TTC34: variants seen among roughly 807,000 people sequenced by gnomAD.
TTC34 encodes the protein tetratricopeptide repeat protein 34.
Under a neutral mutation model 40.7 loss-of-function variants are expected in TTC34, and 44 were observed. That is an observed-to-expected ratio of 1.08 (90% CI 0.85 to 1.39). The LOEUF is 1.39. TTC34 is among the 40% of genes most tolerant of loss of function. The probability of loss-of-function intolerance (pLI) is 0.00; values close to 1 mark genes in which losing one functional copy is unlikely to be tolerated. For missense variants in TTC34, 884 were observed against 838.0 expected (o/e 1.05, Z -0.68); for synonymous variants, 422 against 398.6 (o/e 1.06, Z -0.70).
intron 6 of TTC34, among the ~76,000 whole-genome samples, chr1:2,674,768 C>A (rs1276991079): frequency 2.9e-5 from 1 of 33,980 alleles, no homozygotes; most frequent in Non-Finnish European, 7.1e-5. Flanking sequence ...CACTCCCAGG[C>A]GAGCATCCGA....
intron 6 of TTC34, among the ~76,000 whole-genome samples, chr1:2,683,993 AC>A (rs1640204111): frequency 1.4e-5 from 2 of 142,026 alleles, no homozygotes; most frequent in South Asian, 4.4e-4. Context: ...AGCATCCTGC[AC>A]CCCCAGGTGA....
chr1:2,638,071 G>A lies in TTC34; in HGVS notation c.*3297C>T, dbSNP rs1414964761. 2.0e-5 allele frequency: 3 copies of A among 152,060 alleles called. 1 individual carries two copies. Among genetic ancestry groups the A allele is most frequent in the Non-Finnish European group, 4.4e-5 (3 of 68,024 alleles). 9.4% of individuals were successfully genotyped at this position (152,060 alleles called of 1,614,324 possible). A position where few individuals can be genotyped will look rare whatever the true frequency, so the allele number is the denominator to read the frequency against. On this transcript the variant is annotated 3_prime_UTR_variant, in exon 9 of 9. Coordinates refer to ENST00000401095, the Ensembl canonical transcript of TTC34. ...TTTATTTATTTTTTTTGTTCTGCTT[G>A]AAAATGCTGTGATAAGCTTACCTGG...
At position 2,692,336 on chromosome 1, in the gene TTC34, G is replaced by A. The variant is rs71503030; in HGVS notation, c.2227-46773C>T. 2.2e-4 allele frequency among the ~76,000 whole-genome samples: 9 copies of A among 40,008 alleles called. 4 individuals carry two copies. Among genetic ancestry groups the A allele is most frequent in the South Asian group, 1.7e-3 (2 of 1,166 alleles). 26.2% of individuals were successfully genotyped at this position (40,008 alleles called of 152,430 possible). A position where few individuals can be genotyped will look rare whatever the true frequency, so the allele number is the denominator to read the frequency against. On this transcript the variant is annotated intron_variant, in intron 6 of 8. Transcript: ENST00000401095. ...TGAGCATCTGACAGCCTGGAGCAGC[G>A]CCCACACACCGAGGTGAGCATCTGA... is the stretch of plus-strand genomic sequence containing the variant.
chr1:2,699,933 A>C (rs1211108872), intron 6 of TTC34, among the ~76,000 whole-genome samples: 12 of 43,524 alleles, frequency 2.8e-4, no homozygotes, highest in South Asian at 9.6e-4. Context: ...GCTCCCACAC[A>C]CCCAGGTAAG....
chr1:2,684,355 C>A (rs1435305545), intron 6 of TTC34, among the ~76,000 whole-genome samples: 3 of 146,216 alleles, frequency 2.1e-5, no homozygotes, highest in South Asian at 2.1e-4. Context: ...AGCACCCACA[C>A]CCACAGGTGA....
chr1:2,773,022 A>G (rs1642522365), intron 6 of TTC34, among the ~76,000 whole-genome samples: 1 of 150,606 alleles, frequency 6.6e-6, no homozygotes, highest in African/African-American at 2.4e-5. Context: ...CCACACCCCC[A>G]GGCGAGCATC....
chr1:2,787,586 G>A, exon 4 of TTC34: 1 of 1,549,218 alleles, frequency 6.5e-7, no homozygotes, highest in South Asian at 1.2e-5. Flanking sequence ...GCAGGGCCTT[G>A]TGGGTCTCCT....
chr1:2,748,866 G>A (rs1641228844), intron 6 of TTC34, among the ~76,000 whole-genome samples: 1 of 136,590 alleles, frequency 7.3e-6, no homozygotes. Context: ...TGATGCTTTG[G>A]AGCAGCACCC....
In TTC34 at chr1:2,783,543, A is replaced by G. The variant is rs80272330; in HGVS notation, c.2226+66T>C. On this transcript the variant is annotated intron_variant, in intron 6 of 8. Transcript: ENST00000401095. ...CCGGCTCCCTCTCTCCTTGGGGTGG[A>G]GGAAGGCAGCTCCCTGGGTCCCCCA... 7,120 of 1,302,886 alleles carry G rather than the reference A, an allele frequency of 5.5e-3. 23 individuals carry two copies. The highest frequency in any genetic ancestry group is 0.012 in the South Asian group (518 of 41,544). The allele number at this position is 1,302,886 out of a possible 1,614,324, so 80.7% of individuals were successfully genotyped here. A position where few individuals can be genotyped will look rare whatever the true frequency, so the allele number is the denominator to read the frequency against.
At chr1:2,790,733 C>T (rs1643653836) in intron 2 of TTC34, among the ~76,000 whole-genome samples, 1 of 152,258 alleles carries the variant, frequency 6.6e-6, no homozygotes, top group South Asian at 2.1e-4. Flanking sequence ...GAGTTTCCTC[C>T]TCTGGGAATC....
chr1:2,686,686 C>A (rs916375714), intron 6 of TTC34, among the ~76,000 whole-genome samples: 14 of 138,268 alleles, frequency 1.0e-4, no homozygotes, highest in African/African-American at 1.9e-4. Context: ...CCTGCACCCC[C>A]AGGTGCGCAC....
At chr1:2,642,322 C>CAGGAG (rs1485787488) in intron 8 of TTC34, among the ~76,000 whole-genome samples, 1 of 152,174 alleles carries the variant, frequency 6.6e-6, no homozygotes, top group Non-Finnish European at 1.5e-5. Flanking sequence ...CCCTCGGTCC[C>CAGGAG]TCTGGGCCAA....
Position 2,645,583 on chromosome 1 carries a change from G to C in TTC34, c.2227-20C>G. The C allele has an allele frequency of 2.0e-6, 2 of 989,510 alleles. No homozygotes were observed. Among genetic ancestry groups the C allele is most frequent in the Non-Finnish European group, 2.8e-6 (2 of 716,014 alleles). The allele number at this position is 989,510 out of a possible 1,614,324, so 61.3% of individuals were successfully genotyped here. On this transcript the variant is annotated intron_variant, in intron 6 of 8. Coordinates refer to ENST00000401095, the Ensembl canonical transcript of TTC34. The surrounding 1 kb of genome is among the most constrained non-coding windows in gnomAD (Gnocchi z 4.7). ...GGCTTCCTGCAAGGAGGGAGGGCGG[G>C]CGGGTGCAGAGTTGTCCTAAGTAGA...
intron 8 of TTC34, among the ~76,000 whole-genome samples, chr1:2,644,051 G>A (rs1321974962): frequency 6.6e-6 from 1 of 152,234 alleles, no homozygotes; most frequent in Non-Finnish European, 1.5e-5. Flanking sequence ...CCCATACAAA[G>A]AGGCTGAGAG....
chr1:2,654,574 C>A (rs1195937074), intron 6 of TTC34, among the ~76,000 whole-genome samples: 1 of 151,906 alleles, frequency 6.6e-6, no homozygotes. Context: ...CACCCACACC[C>A]CCAGGTGAGC....
intron 6 of TTC34, among the ~76,000 whole-genome samples, chr1:2,757,081 CTGACT>C (rs1641532026): frequency 1.4e-5 from 2 of 142,436 alleles, no homozygotes; most frequent in Non-Finnish European, 3.0e-5. Flanking sequence ...AGGCGAGCAT[CTGACT>C]GCATGTAACA....
At chr1:2,638,323 G>A (rs1413820149) in exon 9 of TTC34, 1 of 152,140 alleles carries the variant, frequency 6.6e-6, no homozygotes, top group Admixed American at 6.5e-5. Flanking sequence ...GGACCGGCTT[G>A]GCTTTATTGA....
exon 3 of TTC34, chr1:2,790,089 G>C: frequency 7.5e-6 from 3 of 398,070 alleles, no homozygotes; most frequent in Non-Finnish European, 1.3e-5. Flanking sequence ...AGCAGCTCGC[G>C]GCCCGCATCC....
chr1:2,688,409 C>A (rs796524471), intron 6 of TTC34, among the ~76,000 whole-genome samples: 3 of 142,304 alleles, frequency 2.1e-5, no homozygotes, highest in Admixed American at 1.4e-4. Flanking sequence ...AGCACCCACA[C>A]CCCCAGGTGA....
Sources: gnomAD v4.1 joint callset for allele counts (sites outside exome capture counted in the v4.1 genomes callset) on GRCh38, gnomAD v4.1.1 for gene constraint, Gnocchi (gnomAD v3.1) non-coding constraint, MANE v1.5 for transcripts, NCBI Gene and HGNC (gene_info 2026-07-23, HGNC 2026-07-21) for gene names.